HOOK3: variants seen among roughly 807,000 people sequenced by gnomAD.
The protein encoded by HOOK3 is hook microtubule tethering protein 3, also known as protein Hook homolog 3.
Under a neutral mutation model 116.3 loss-of-function variants are expected in HOOK3, and 24 were observed. That is an observed-to-expected ratio of 0.21 (90% CI 0.15 to 0.29). The LOEUF (loss-of-function observed/expected upper bound fraction) is 0.29, where lower values mean the gene tolerates loss of function less well. Ranked by LOEUF, HOOK3 falls within the 10% of genes least tolerant of loss-of-function variation. The probability of loss-of-function intolerance (pLI) is 1.00; values close to 1 mark genes in which losing one functional copy is unlikely to be tolerated. For missense variants in HOOK3, 632 were observed against 830.2 expected, an observed-to-expected ratio of 0.76 and a Z score of 2.93; for synonymous variants, 275 against 283.0, an observed-to-expected ratio of 0.97 and a Z score of 0.28.
At chr8:42,948,296 A>T (rs1808273311) in intron 5 of HOOK3, among the ~76,000 whole-genome samples, 1 of 152,232 alleles carries the variant, frequency 6.6e-6, no homozygotes, top group African/African-American at 2.4e-5. Context: ...GCTACCTCAC[A>T]TAGCAAATCT....
chr8:42,977,510 T>C (rs1808851250), intron 13 of HOOK3, among the ~76,000 whole-genome samples: 1 of 152,168 alleles, frequency 6.6e-6, no homozygotes. Context: ...AAAAAAAAGA[T>C]GTATGGAGAT....
intron 15 of HOOK3, among the ~76,000 whole-genome samples, chr8:42,991,090 A>G (rs1277085669): frequency 1.3e-5 from 2 of 152,192 alleles, no homozygotes; most frequent in African/African-American, 4.8e-5. Flanking sequence ...TGTCAAAATA[A>G]GTTCACTGTA....
At chr8:42,962,035 C>G (rs1325637379) in intron 8 of HOOK3, among the ~76,000 whole-genome samples, 1 of 152,000 alleles carries the variant, frequency 6.6e-6, no homozygotes, top group East Asian at 1.9e-4. Flanking sequence ...GATCTGCCCA[C>G]CTCCGTCTCC....
In HOOK3 at chr8:42,973,406, A is replaced by C; in HGVS notation, c.1233+7A>C. On this transcript the variant is annotated splice_region_variant and intron_variant, in intron 12 of 21. Transcript: ENST00000307602. ...TCTTCAAAAAGAAAAGGACGTGAGT[A>C]TATATATTAGGCATTTTGGTTTTGA... 1 of 1,596,650 alleles carries C rather than the reference A, an allele frequency of 6.3e-7. No individual in the cohort carries two copies. The highest frequency in any genetic ancestry group is 8.5e-7 in the Non-Finnish European group (1 of 1,169,842).
intron 7 of HOOK3, among the ~76,000 whole-genome samples, chr8:42,957,987 G>A (rs528232455): frequency 1.3e-5 from 2 of 152,052 alleles, no homozygotes; most frequent in African/African-American, 2.4e-5. Context: ...CTGCCACCAT[G>A]CCCAGCTAAT....
At position 43,010,296 on chromosome 8, in the gene HOOK3, C is replaced by T; in HGVS notation, c.1739-9C>T. On this transcript the variant is annotated splice_polypyrimidine_tract_variant and intron_variant, in intron 18 of 21. Transcript: ENST00000307602. ...TAAATATATATATTTTACTGTGTCTCATCTGCAGCCTTAAAAATTGAAGAA... is the reference window on the plus strand; with the variant it reads ...TAAATATATATATTTTACTGTGTCTTATCTGCAGCCTTAAAAATTGAAGAA... 4 of 1,085,844 alleles carry T rather than the reference C, an allele frequency of 3.7e-6. No individual in the cohort carries two copies. Among genetic ancestry groups the T allele is most frequent in the Non-Finnish European group, 5.0e-6 (4 of 797,270 alleles). The allele number at this position is 1,085,844 out of a possible 1,614,324, so 67.3% of individuals were successfully genotyped here.
chr8:43,022,505 G>C lies in HOOK3; in HGVS notation c.*4007G>C, dbSNP rs1052258997. 1 of 192,368 alleles carries C rather than the reference G, an allele frequency of 5.2e-6. No homozygotes were observed. Among genetic ancestry groups the C allele is most frequent in the African/African-American group, 2.3e-5 (1 of 42,902 alleles). 11.9% of individuals were successfully genotyped at this position (192,368 alleles called of 1,614,324 possible). A position where few individuals can be genotyped will look rare whatever the true frequency, so the allele number is the denominator to read the frequency against. ...CATTTTCTGTTTTCCTTCTAACCAG[G>C]GTGAGAAAATACAAAGTAAAGAACT... On this transcript the variant is annotated 3_prime_UTR_variant, in exon 22 of 22. Transcript: ENST00000307602.
At chr8:43,016,219 G>A (rs1034430122) in intron 21 of HOOK3, among the ~76,000 whole-genome samples, 1 of 148,500 alleles carries the variant, frequency 6.7e-6, no homozygotes, top group Non-Finnish European at 1.5e-5. Flanking sequence ...CTGGGTTCAC[G>A]CCATCCTCTT....
At chr8:42,967,402 C>T (rs1351589683) in intron 10 of HOOK3, among the ~76,000 whole-genome samples, 1 of 152,160 alleles carries the variant, frequency 6.6e-6, no homozygotes, top group Non-Finnish European at 1.5e-5. Flanking sequence ...GGTTCCCACC[C>T]ACCCTTTCTT....
intron 2 of HOOK3, among the ~76,000 whole-genome samples, chr8:42,915,139 A>C (rs1179150411): frequency 6.6e-6 from 1 of 152,152 alleles, no homozygotes; most frequent in Admixed American, 6.5e-5. Flanking sequence ...GCTCCCTTCT[A>C]AATTCCTCAG....
At chr8:42,974,006 T>C in intron 12 of HOOK3, 101 bp from the exon 13 acceptor site, 2 of 795,866 alleles carry the variant, frequency 2.5e-6, no homozygotes, top group Non-Finnish European at 4.3e-6. Flanking sequence ...AACATGTTCA[T>C]GTTCACTATT....
At chr8:42,897,628 C>A (rs1299952339) in intron 1 of HOOK3, among the ~76,000 whole-genome samples, 1 of 152,142 alleles carries the variant, frequency 6.6e-6, no homozygotes, top group African/African-American at 2.4e-5. Context: ...GACCCCGTTT[C>A]GGATGCAAGG....
chr8:42,897,334 C>A, intron 1 of HOOK3, 146 bp downstream of exon 1: 1 of 465,602 alleles, frequency 2.1e-6, no homozygotes, highest in South Asian at 1.1e-4. Context: ...GAGGCTCGGC[C>A]CAGGGTCCGA....
intron 15 of HOOK3, among the ~76,000 whole-genome samples, chr8:42,990,325 CTTTTTTTTTTTTTTTTTTTT>C (rs59033055): frequency 0.011 from 411 of 37,910 alleles, 5 homozygotes; most frequent in Non-Finnish European, 0.014. Flanking sequence ...CTGTTTAGAT[CTTTTTTTTTTTTTTTTTTTT>C]TTTTTTTTTT....
At chr8:42,985,037 C>T (rs1324284378) in intron 14 of HOOK3, among the ~76,000 whole-genome samples, 1 of 152,142 alleles carries the variant, frequency 6.6e-6, no homozygotes, top group Non-Finnish European at 1.5e-5. Flanking sequence ...AATTTTGCAA[C>T]ATGTTTTAGA....
chr8:42,999,287 T>C (rs1301113564), intron 16 of HOOK3, among the ~76,000 whole-genome samples: 1 of 152,236 alleles, frequency 6.6e-6, no homozygotes, highest in Non-Finnish European at 1.5e-5. Context: ...AGAAGTGAGA[T>C]GCTAGCCCTG....
rs552278125 is a variant in HOOK3 at position 42,974,004 on chromosome 8, C to T, written c.1234-103C>T. 6 of 793,512 alleles carry T rather than the reference C, an allele frequency of 7.6e-6. No homozygotes were observed. The East Asian group carries it at 1.5e-4, about 20-fold the overall frequency. The allele number at this position is 793,512 out of a possible 1,614,324, so 49.2% of individuals were successfully genotyped here. ...AGAAAAGCAAAAGGTAAAACATGTT[C>T]ATGTTCACTATTGTTTATCATTCTA... On this transcript the variant is annotated intron_variant, in intron 12 of 21. Coordinates refer to ENST00000307602, the MANE Select transcript of HOOK3 (RefSeq NM_032410.4).
rs539368010 is a variant in HOOK3, at chr8:42,897,688, C to G, written c.57+500C>G. On this transcript the variant is annotated intron_variant, in intron 1 of 21. Transcript: ENST00000307602. ...AGGGGCGGACGCCTGTCAGAGGCGT[C>G]GGGCAGACGTTTAAAGGAGTCTGGA... 8.5e-4 allele frequency among the ~76,000 whole-genome samples: 129 copies of G among 152,348 alleles called. 1 individual carries two copies. The South Asian group carries it at 0.011, about 13-fold the overall frequency.
chr8:42,987,831 T>C (rs2130453641), intron 15 of HOOK3, among the ~76,000 whole-genome samples: 1 of 152,318 alleles, frequency 6.6e-6, no homozygotes, highest in East Asian at 1.9e-4. Context: ...CAGTTTTTTT[T>C]TCTTTTTTTG....
Sources: gnomAD v4.1 joint callset for allele counts (sites outside exome capture counted in the v4.1 genomes callset) on GRCh38, gnomAD v4.1.1 for gene constraint, MANE v1.5 for transcripts, NCBI Gene and HGNC (gene_info 2026-07-23, HGNC 2026-07-21) for gene names.